Variants in RGS9 observed in about 807,000 individuals in gnomAD.
RGS9 encodes the protein regulator of G-protein signalling 9.
Under a neutral mutation model 102.0 loss-of-function variants are expected in RGS9, and 78 were observed. The ratio of observed to expected loss-of-function variants is 0.76; its 90% CI spans 0.64 to 0.92. RGS9 has a LOEUF of 0.92. Ranked by LOEUF, RGS9 falls within the 40% of genes least tolerant of loss-of-function variation. The pLI is 0.00. For synonymous variants in RGS9, 353 were observed against 318.6 expected (o/e 1.11, Z -1.15); for missense variants, 833 against 866.1 (o/e 0.96, Z 0.48).
intron 8 of RGS9, among the ~76,000 whole-genome samples, chr17:65,174,760 A>G (rs985011364): frequency 2.0e-5 from 3 of 151,972 alleles, no homozygotes; most frequent in Non-Finnish European, 4.4e-5. Flanking sequence ...AAGACTGGGT[A>G]ATTTATAAAG....
rs1311208105 is a variant in RGS9, at chr17:65,204,145, A to C, written c.1065-18A>C. The stretch of plus-strand genomic sequence containing the variant: ...ACTTGGTTTAGTTACTTTTGCTAAC[A>C]TCTCCCTCCCACCCCAGGCTGTTCC... On this transcript the variant is annotated intron_variant, in intron 14 of 18. Transcript: ENST00000262406. 6.2e-7 allele frequency: 1 copy of C among 1,612,184 alleles called. No individual in the cohort carries two copies. Among genetic ancestry groups the C allele is most frequent in the Admixed American group, 1.7e-5 (1 of 60,018 alleles).
At chr17:65,197,075 C>T (rs747773695) in intron 12 of RGS9, 51 bp from the exon 13 acceptor site, 1 of 1,361,204 alleles carries the variant, frequency 7.3e-7, no homozygotes, top group Non-Finnish European at 1.0e-6. Context: ...CCCAGGCCAC[C>T]ACCTGTCACA....
In RGS9 at chr17:65,207,694, G is replaced by A. The variant is rs139578874; in HGVS notation, c.1204-228G>A. On this transcript the variant is annotated intron_variant, in intron 15 of 18. Coordinates refer to ENST00000262406, the MANE Select transcript of RGS9 (RefSeq NM_003835.4). ...CACTCCCAGAGTTTCTCATCAGGAC[G>A]GCTGGGGCAGGCCTGAGAAGTTCCC... Among the ~76,000 whole-genome samples the A allele has an allele frequency of 1.2e-4, 19 of 152,224 alleles. No individual in the cohort carries two copies. In the East Asian group the frequency reaches 3.1e-3, roughly 25 times the overall value.
chr17:65,217,096 G>A (rs1913547909), intron 17 of RGS9, among the ~76,000 whole-genome samples: 1 of 152,158 alleles, frequency 6.6e-6, no homozygotes, highest in Admixed American at 6.5e-5. Context: ...ACGCCTCCCT[G>A]AGAAGATGGG....
At chr17:65,142,319 C>T (rs2143948891) in intron 1 of RGS9, among the ~76,000 whole-genome samples, 1 of 152,246 alleles carries the variant, frequency 6.6e-6, no homozygotes, top group South Asian at 2.1e-4. Flanking sequence ...CTTCCTAGGT[C>T]ATGCTACAGA....
intron 17 of RGS9, among the ~76,000 whole-genome samples, chr17:65,221,276 G>A (rs1324186263): frequency 1.3e-5 from 2 of 152,146 alleles, no homozygotes; most frequent in Non-Finnish European, 2.9e-5. Context: ...AGAGTTGGGG[G>A]AGGGCATATA....
intron 12 of RGS9, 79 bp from the exon 13 acceptor site, chr17:65,197,047 T>A: frequency 1.1e-6 from 1 of 912,384 alleles, no homozygotes. Context: ...GCCATGAGAC[T>A]AAAGGCCCTC....
intron 16 of RGS9, among the ~76,000 whole-genome samples, chr17:65,209,078 T>C (rs1340236982): frequency 6.6e-6 from 1 of 152,144 alleles, no homozygotes; most frequent in Non-Finnish European, 1.5e-5. Context: ...AAGAGGAGTC[T>C]CATACCTCTC....
intron 17 of RGS9, among the ~76,000 whole-genome samples, chr17:65,223,175 T>C (rs2144130980): frequency 6.6e-6 from 1 of 152,352 alleles, no homozygotes; most frequent in African/African-American, 2.4e-5. Flanking sequence ...ATGCAATAAT[T>C]CATGATTATT....
intron 2 of RGS9, among the ~76,000 whole-genome samples, chr17:65,157,994 G>A (rs188213605): frequency 8.5e-5 from 13 of 152,070 alleles, no homozygotes; most frequent in Admixed American, 4.6e-4. Flanking sequence ...ACAAGTTATC[G>A]TCAGGTAAAA....
intron 1 of RGS9, among the ~76,000 whole-genome samples, chr17:65,151,692 A>C (rs1210664642): frequency 1.3e-5 from 2 of 152,100 alleles, no homozygotes; most frequent in Non-Finnish European, 2.9e-5. Flanking sequence ...TCTTCTTTGC[A>C]TTTTCTAGTT....
chr17:65,226,255 A>G (rs1905672532), intron 18 of RGS9, among the ~76,000 whole-genome samples: 1 of 152,204 alleles, frequency 6.6e-6, no homozygotes, highest in South Asian at 2.1e-4. Flanking sequence ...TTTGGGGGAG[A>G]CAGTCAGGGG....
chr17:65,157,587 T>G (rs1910813836), intron 2 of RGS9, among the ~76,000 whole-genome samples: 1 of 151,988 alleles, frequency 6.6e-6, no homozygotes, highest in African/African-American at 2.4e-5. Flanking sequence ...TTTTTTTGTG[T>G]GTTGTTCCCA....
At chr17:65,144,070 G>T (rs891547668) in intron 1 of RGS9, among the ~76,000 whole-genome samples, 1 of 152,156 alleles carries the variant, frequency 6.6e-6, no homozygotes, top group African/African-American at 2.4e-5. Context: ...CCGAGCACTG[G>T]TTAGGGCATG....
chr17:65,217,223 T>C (rs1913551184), intron 17 of RGS9, among the ~76,000 whole-genome samples: 1 of 152,210 alleles, frequency 6.6e-6, no homozygotes, highest in Non-Finnish European at 1.5e-5. Context: ...ACATGTCTAG[T>C]TGTGGCCAAT....
At chr17:65,218,640 G>GCT (rs749020638) in intron 17 of RGS9, among the ~76,000 whole-genome samples, 30 of 152,026 alleles carry the variant, frequency 2.0e-4, no homozygotes, top group Non-Finnish European at 4.3e-4. Flanking sequence ...CTCAGAAATA[G>GCT]CTCTCTCTCT....
At chr17:65,208,646 A>G (rs1051744110) in intron 16 of RGS9, among the ~76,000 whole-genome samples, 5 of 152,174 alleles carry the variant, frequency 3.3e-5, no homozygotes, top group African/African-American at 1.2e-4. Flanking sequence ...AAGATTTAAA[A>G]TATAAATTGA....
chr17:65,197,298 T>A, intron 13 of RGS9, 57 bp downstream of exon 13: 1 of 1,134,928 alleles, frequency 8.8e-7, no homozygotes, highest in Non-Finnish European at 1.3e-6. Flanking sequence ...AAGAGTCCTT[T>A]AATGTCTAGC....
chr17:65,172,606 G>A (rs375089680), intron 8 of RGS9, among the ~76,000 whole-genome samples: 5 of 152,122 alleles, frequency 3.3e-5, no homozygotes, highest in African/African-American at 4.8e-5. Flanking sequence ...GCTCTATGCC[G>A]GGTGCTTACT....
Sources: allele counts gnomAD v4.1 joint callset (sites outside exome capture counted in the v4.1 genomes callset), GRCh38; gene constraint gnomAD v4.1.1; transcripts MANE v1.5; gene names NCBI Gene and HGNC (gene_info 2026-07-23, HGNC 2026-07-21).